Variants in CD99 observed in about 807,000 individuals in gnomAD.
The protein encoded by CD99 is CD99 molecule (Xg blood group), also known as CD99 antigen.
CD99 carries 19 observed loss-of-function variants against 28.4 expected under a neutral mutation model. That is an observed-to-expected ratio of 0.67 (90% CI 0.47 to 0.98). The LOEUF is 0.98. Ranked by LOEUF, CD99 falls within the 50% of genes least tolerant of loss-of-function variation. CD99 has a pLI of 0.00. For synonymous variants in CD99, 103 were observed against 92.1 expected (o/e 1.12, Z -0.67); for missense variants, 283 against 248.8 (o/e 1.14, Z -0.92).
At chrX:2,734,444 C>T (rs1198033090) in intron 8 of CD99, among the ~76,000 whole-genome samples, 3 of 151,580 alleles carry the variant, frequency 2.0e-5, no homozygotes, top group Non-Finnish European at 2.9e-5. Flanking sequence ...GTAGCTGGGA[C>T]TACAGGCACA....
intron 7 of CD99, among the ~76,000 whole-genome samples, chrX:2,724,897 CAA>C (rs928597818): frequency 6.7e-5 from 8 of 120,144 alleles, no homozygotes; most frequent in African/African-American, 9.2e-5. Context: ...GACTGCATTT[CAA>C]AAAAAAAAAA....
chrX:2,691,986 G>A, intron 1 of CD99: 1 of 749,332 alleles, frequency 1.3e-6, no homozygotes, highest in South Asian at 1.4e-5. Flanking sequence ...TGCGGGCTCC[G>A]GGAATTTCAG....
intron 1 of CD99, among the ~76,000 whole-genome samples, chrX:2,705,313 C>T (rs190770698): frequency 2.6e-5 from 4 of 152,310 alleles, no homozygotes; most frequent in African/African-American, 4.8e-5. Flanking sequence ...CTGTTACTGA[C>T]GGGAAGCTGG....
chrX:2,711,435 ATGTG>A (rs201275302), intron 1 of CD99, among the ~76,000 whole-genome samples: 14,765 of 149,418 alleles, frequency 0.099, 1,298 homozygotes, highest in African/African-American at 0.22. Flanking sequence ...TAGTATGTGT[ATGTG>A]TGTATATATA....
intron 1 of CD99, among the ~76,000 whole-genome samples, chrX:2,709,721 CAT>C (rs1220037633): frequency 6.6e-6 from 1 of 152,202 alleles, no homozygotes; most frequent in Non-Finnish European, 1.5e-5. Flanking sequence ...CATGCATGTA[CAT>C]AGACACGCAC....
At chrX:2,694,633 A>C (rs1465547925) in intron 1 of CD99, among the ~76,000 whole-genome samples, 1 of 151,998 alleles carries the variant, frequency 6.6e-6, no homozygotes, top group African/African-American at 2.4e-5. Context: ...AGCGCCTATA[A>C]TCCCAGCTAC....
rs999001129 is a variant in CD99, at chrX:2,741,009, A to G, written c.*205A>G. 4.7e-6 allele frequency: 3 copies of G among 637,936 alleles called. No individual in the cohort carries two copies. In the African/African-American group the frequency reaches 5.5e-5, roughly 12 times the overall value. 39.5% of individuals were successfully genotyped at this position (637,936 alleles called of 1,614,324 possible). On this transcript the variant is annotated 3_prime_UTR_variant, in exon 10 of 10. Coordinates refer to ENST00000381192, the MANE Select transcript of CD99 (RefSeq NM_002414.5). Reference sequence around the variant, plus strand: ...ATGAATTTTACATCCAAAGGGGGATAGGCACTTGGACCCCCATTCTCCAAG... The same window carrying G: ...ATGAATTTTACATCCAAAGGGGGATGGGCACTTGGACCCCCATTCTCCAAG...
chrX:2,725,008 G>A (rs2049199641), intron 7 of CD99, among the ~76,000 whole-genome samples: 1 of 151,310 alleles, frequency 6.6e-6, no homozygotes, highest in Non-Finnish European at 1.5e-5. Context: ...GTTGCAGTGA[G>A]CCGAGATCGC....
intron 1 of CD99, among the ~76,000 whole-genome samples, chrX:2,710,514 G>T (rs1025897367): frequency 2.5e-3 from 381 of 150,024 alleles, no homozygotes; most frequent in Middle Eastern, 7.0e-3. Flanking sequence ...CACGTGTGGG[G>T]TTTTTTTTTG....
chrX:2,737,056 G>T (rs2049980994), intron 8 of CD99, among the ~76,000 whole-genome samples: 1 of 151,946 alleles, frequency 6.6e-6, no homozygotes, highest in Admixed American at 6.6e-5. Flanking sequence ...GTAGAAGGGG[G>T]GACAGGAGAG....
intron 8 of CD99, chrX:2,733,302 CA>C: frequency 6.5e-7 from 1 of 1,543,180 alleles, no homozygotes; most frequent in African/African-American, 1.4e-5. Context: ...GCAGACCCAG[CA>C]CCAGTTTACT....
chrX:2,702,001 G>T (rs1226990066), intron 1 of CD99, among the ~76,000 whole-genome samples: 1 of 152,212 alleles, frequency 6.6e-6, no homozygotes, highest in Non-Finnish European at 1.5e-5. Flanking sequence ...GAAAGTTTCT[G>T]ATTTAATTAG....
At chrX:2,707,144 A>G (rs2048158496) in intron 1 of CD99, among the ~76,000 whole-genome samples, 1 of 152,166 alleles carries the variant, frequency 6.6e-6, no homozygotes, top group Non-Finnish European at 1.5e-5. Flanking sequence ...AGCCTGGCCA[A>G]CATGGCGAAA....
intron 1 of CD99, among the ~76,000 whole-genome samples, chrX:2,708,075 T>G (rs1001651641): frequency 1.1e-4 from 17 of 152,124 alleles, no homozygotes; most frequent in Non-Finnish European, 1.6e-4. Context: ...TTCAAGCCAA[T>G]AGCACGTGCA....
intron 8 of CD99, among the ~76,000 whole-genome samples, chrX:2,730,120 C>T (rs2049513626): frequency 6.6e-6 from 1 of 152,104 alleles, no homozygotes; most frequent in Non-Finnish European, 1.5e-5. Context: ...CACCACTGCA[C>T]TCCAGCCTGG....
chrX:2,712,900 CACAA>C (rs2048488905), intron 1 of CD99, among the ~76,000 whole-genome samples: 1 of 152,052 alleles, frequency 6.6e-6, no homozygotes, highest in Non-Finnish European at 1.5e-5. Context: ...CATGTGTGCA[CACAA>C]ACACATGCAT....
At chrX:2,712,130 C>CA (rs952607114) in intron 1 of CD99, among the ~76,000 whole-genome samples, 7 of 152,050 alleles carry the variant, frequency 4.6e-5, no homozygotes, top group African/African-American at 9.7e-5. Flanking sequence ...CACAGAAAGA[C>CA]AAATACCGTC....
At chrX:2,722,595 G>GT (rs1373958870) in intron 5 of CD99, 32 bp from the exon 6 acceptor site, 2 of 1,611,312 alleles carry the variant, frequency 1.2e-6, no homozygotes, top group African/African-American at 2.7e-5. Flanking sequence ...GGAGTTCCAG[G>GT]TTGACAGGTG....
rs1247249920 is a variant in CD99, at chrX:2,714,130, A to G, written c.68-292A>G. ...CAAAATTGTTATTCATCTGTTTGAA[A>G]GGAACGACCTGTTAAGAATAATACA... On this transcript the variant is annotated intron_variant, in intron 1 of 9. Transcript: ENST00000381192. Among the ~76,000 whole-genome samples, 5 of 152,220 alleles carry G rather than the reference A, an allele frequency of 3.3e-5. No homozygotes were observed. In the East Asian group the frequency reaches 9.6e-4, roughly 29 times the overall value.
Sources: allele counts gnomAD v4.1 joint callset (sites outside exome capture counted in the v4.1 genomes callset), GRCh38; gene constraint gnomAD v4.1.1; transcripts MANE v1.5; gene names NCBI Gene and HGNC (gene_info 2026-07-23, HGNC 2026-07-21).